The following GLRB variants were observed in gnomAD, a reference collection of about 807,000 sequenced individuals.
The protein encoded by GLRB is glycine receptor subunit beta.
A neutral mutation model predicts 54.2 loss-of-function variants in GLRB; 33 were observed. The observed-to-expected ratio is 0.61, with a 90% confidence interval of 0.46 to 0.81. The LOEUF is 0.81. Ranked by LOEUF, GLRB falls within the 40% of genes least tolerant of loss-of-function variation. The probability of loss-of-function intolerance (pLI) is 0.00; values close to 1 mark genes in which losing one functional copy is unlikely to be tolerated. For synonymous variants in GLRB, 209 were observed against 208.2 expected, an observed-to-expected ratio of 1.00 and a Z score of -0.03; for missense variants, 572 against 584.6, an observed-to-expected ratio of 0.98 and a Z score of 0.22.
chr4:157,113,449 G>A (rs989469736), intron 2 of GLRB, among the ~76,000 whole-genome samples: 1 of 151,846 alleles, frequency 6.6e-6, no homozygotes, highest in African/African-American at 2.4e-5. Flanking sequence ...GCAATATACG[G>A]TATAAATAGA....
intron 4 of GLRB, among the ~76,000 whole-genome samples, chr4:157,124,670 A>T (rs1260660367): frequency 6.6e-6 from 1 of 151,838 alleles, no homozygotes; most frequent in Admixed American, 6.6e-5. Flanking sequence ...AGACTGAATA[A>T]TGTCGTTACT....
chr4:157,114,448 C>T (rs1415115782), intron 2 of GLRB, among the ~76,000 whole-genome samples: 1 of 151,176 alleles, frequency 6.6e-6, no homozygotes, highest in Non-Finnish European at 1.5e-5. Flanking sequence ...ACCTAATTTT[C>T]TCTATTTTTA....
intron 2 of GLRB, among the ~76,000 whole-genome samples, chr4:157,105,343 A>G (rs2126492277): frequency 6.6e-6 from 1 of 151,974 alleles, no homozygotes; most frequent in Admixed American, 6.5e-5. Flanking sequence ...TTTCCTTTTG[A>G]TGCTGATTTC....
chr4:157,162,298 A>G (rs890018702), intron 9 of GLRB, among the ~76,000 whole-genome samples: 36 of 152,148 alleles, frequency 2.4e-4, no homozygotes, highest in Non-Finnish European at 7.4e-5. Context: ...AGCTCAGAGA[A>G]GTTTATTACC....
chr4:157,107,292 TTAA>T (rs1400369228), intron 2 of GLRB, among the ~76,000 whole-genome samples: 6 of 152,260 alleles, frequency 3.9e-5, no homozygotes, highest in Non-Finnish European at 7.4e-5. Context: ...GTCTCTCACT[TTAA>T]ACCAAAAGTT....
At chr4:157,138,670 T>C (rs1309197551) in intron 6 of GLRB, 139 bp from the exon 7 acceptor site, 29 of 597,574 alleles carry the variant, frequency 4.9e-5, no homozygotes, top group Non-Finnish European at 8.3e-5. Context: ...GTTTTACCTC[T>C]TTACATTTTA....
intron 4 of GLRB, among the ~76,000 whole-genome samples, chr4:157,135,584 T>C (rs897602470): frequency 1.3e-5 from 2 of 152,094 alleles, no homozygotes; most frequent in African/African-American, 4.8e-5. Context: ...TGCTCCTCCT[T>C]CACCTTCTGT....
At chr4:157,127,497 AG>A (rs1471827277) in intron 4 of GLRB, among the ~76,000 whole-genome samples, 2 of 151,890 alleles carry the variant, frequency 1.3e-5, no homozygotes, top group Non-Finnish European at 2.9e-5. Flanking sequence ...ATCTCACTAG[AG>A]GCTAAATTTT....
At chr4:157,153,288 G>T (rs1263832687) in intron 9 of GLRB, among the ~76,000 whole-genome samples, 1 of 152,278 alleles carries the variant, frequency 6.6e-6, no homozygotes, top group East Asian at 1.9e-4. Context: ...ACTCTGCTTT[G>T]ATGGTCACCA....
intron 2 of GLRB, among the ~76,000 whole-genome samples, chr4:157,096,926 A>G (rs986084147): frequency 2.6e-5 from 4 of 152,304 alleles, no homozygotes; most frequent in African/African-American, 9.6e-5. Context: ...TAATTTACTC[A>G]AGGAGCTGTG....
At chr4:157,105,250 A>G (rs1448281004) in intron 2 of GLRB, among the ~76,000 whole-genome samples, 1 of 151,526 alleles carries the variant, frequency 6.6e-6, no homozygotes, top group African/African-American at 2.4e-5. Flanking sequence ...TTTTGTCTCA[A>G]TGTATTTTCT....
chr4:157,150,804 C>T (rs1736994954), intron 8 of GLRB, among the ~76,000 whole-genome samples: 1 of 151,974 alleles, frequency 6.6e-6, no homozygotes, highest in Non-Finnish European at 1.5e-5. Context: ...TAACTGTTTT[C>T]AAATGTTTTC....
intron 2 of GLRB, among the ~76,000 whole-genome samples, chr4:157,092,938 A>G (rs1479297110): frequency 6.6e-6 from 1 of 152,162 alleles, no homozygotes; most frequent in Non-Finnish European, 1.5e-5. Flanking sequence ...CTAATGGCCT[A>G]CCGCTAGCTA....
At chr4:157,156,854 T>C (rs1560974397) in intron 9 of GLRB, among the ~76,000 whole-genome samples, 1 of 152,222 alleles carries the variant, frequency 6.6e-6, no homozygotes, top group Non-Finnish European at 1.5e-5. Context: ...AGTGATTTTG[T>C]ATTGAAACTT....
chr4:157,118,704 A>G (rs1042005296), intron 2 of GLRB, among the ~76,000 whole-genome samples: 3 of 151,602 alleles, frequency 2.0e-5, no homozygotes, highest in African/African-American at 7.3e-5. Context: ...TATCTCACCT[A>G]CAATGGTTGC....
chr4:157,119,592 A>G, intron 2 of GLRB, among the ~76,000 whole-genome samples: 1 of 151,768 alleles, frequency 6.6e-6, no homozygotes, highest in Non-Finnish European at 1.5e-5. Context: ...AGTAAAGTTA[A>G]TTGTTAAAAT....
intron 4 of GLRB, among the ~76,000 whole-genome samples, chr4:157,127,645 T>C (rs1204234072): frequency 6.6e-6 from 1 of 151,820 alleles, no homozygotes; most frequent in Non-Finnish European, 1.5e-5. Flanking sequence ...GATAGCGTTC[T>C]TGTAAGACAG....
chr4:157,116,768 G>A (rs866727999), intron 2 of GLRB, among the ~76,000 whole-genome samples: 14 of 151,610 alleles, frequency 9.2e-5, no homozygotes, highest in African/African-American at 3.1e-4. Flanking sequence ...TCATGCATAT[G>A]AATATAAACT....
chr4:157,114,865 G>C (rs752442037), intron 2 of GLRB, among the ~76,000 whole-genome samples: 1 of 151,614 alleles, frequency 6.6e-6, no homozygotes, highest in Non-Finnish European at 1.5e-5. Context: ...GACTTATCAC[G>C]GTTGAGGTTA....
Sources: allele counts gnomAD v4.1 joint callset (sites outside exome capture counted in the v4.1 genomes callset), GRCh38; gene constraint gnomAD v4.1.1; transcripts MANE v1.5; gene names NCBI Gene and HGNC (gene_info 2026-07-23, HGNC 2026-07-21).